TCERG1L: variants seen among roughly 807,000 people sequenced by gnomAD.
The protein encoded by TCERG1L is transcription elongation regulator 1 like.
A neutral mutation model predicts 56.3 loss-of-function variants in TCERG1L; 37 were observed. The observed-to-expected ratio is 0.66, with a 90% CI of 0.51 to 0.87. TCERG1L has a LOEUF of 0.87. Ranked by LOEUF, TCERG1L falls within the 40% of genes least tolerant of loss-of-function variation. The probability of loss-of-function intolerance (pLI) is 0.00; values close to 1 mark genes in which losing one functional copy is unlikely to be tolerated. For synonymous variants in TCERG1L, 324 were observed against 326.3 expected, an observed-to-expected ratio of 0.99 and a Z score of 0.08; for missense variants, 799 against 774.2, an observed-to-expected ratio of 1.03 and a Z score of -0.38.
At chr10:131,265,646 T>C (rs1161959444) in intron 3 of TCERG1L, among the ~76,000 whole-genome samples, 2 of 152,028 alleles carry the variant, frequency 1.3e-5, no homozygotes, top group African/African-American at 2.4e-5. Context: ...TTCCAATGCA[T>C]ACAAAAGTTA....
At position 131,098,440 on chromosome 10, in the gene TCERG1L, C is replaced by T. The variant is rs1845271774; in HGVS notation, c.1486-16G>A. 6.5e-7 allele frequency: 1 copy of T among 1,532,228 alleles called. No homozygotes were observed. Among genetic ancestry groups the T allele is most frequent in the African/African-American group, 1.4e-5 (1 of 71,942 alleles). The allele number at this position is 1,532,228 out of a possible 1,614,324, so 94.9% of individuals were successfully genotyped here. ...GTTCAAATATCTTAAAACACAGATA[C>T]AGAAGAAAAACATCATGAAATTGCA... On this transcript the variant is annotated splice_polypyrimidine_tract_variant and intron_variant, in intron 10 of 11. Coordinates refer to ENST00000368642, the MANE Select transcript of TCERG1L (RefSeq NM_174937.4).
chr10:131,122,386 C>T (rs1845522758), intron 8 of TCERG1L, among the ~76,000 whole-genome samples: 1 of 152,348 alleles, frequency 6.6e-6, no homozygotes, highest in East Asian at 1.9e-4. Context: ...CACCACCTGA[C>T]ATCCAGGATG....
intron 4 of TCERG1L, among the ~76,000 whole-genome samples, chr10:131,211,372 A>T (rs555199045): frequency 6.6e-6 from 1 of 152,330 alleles, no homozygotes; most frequent in Admixed American, 6.5e-5. Context: ...CGGGGCTCTG[A>T]CTTTCCCTGC....
At chr10:131,233,846 G>T (rs896308245) in intron 4 of TCERG1L, among the ~76,000 whole-genome samples, 8 of 152,166 alleles carry the variant, frequency 5.3e-5, no homozygotes, top group Non-Finnish European at 2.9e-5. Context: ...CAGAGGGGTG[G>T]ATCCCTCATA....
intron 4 of TCERG1L, among the ~76,000 whole-genome samples, chr10:131,246,121 C>T (rs1846034138): frequency 1.3e-5 from 2 of 152,144 alleles, no homozygotes; most frequent in African/African-American, 4.8e-5. Flanking sequence ...GGGCCCATCC[C>T]CTGGCTGGAG....
chr10:131,308,753 G>C (rs550511135), intron 2 of TCERG1L, among the ~76,000 whole-genome samples: 1 of 152,242 alleles, frequency 6.6e-6, no homozygotes, highest in East Asian at 1.9e-4. Flanking sequence ...ATTTGAACCC[G>C]AAAGCCAAAA....
chr10:131,099,445 T>C (rs1001627363), intron 10 of TCERG1L, among the ~76,000 whole-genome samples: 25 of 152,354 alleles, frequency 1.6e-4, no homozygotes, highest in African/African-American at 5.8e-4. Context: ...GATAAGTGTT[T>C]ACGCAAACAT....
chr10:131,254,667 G>A (rs539386191), intron 4 of TCERG1L, among the ~76,000 whole-genome samples: 41 of 152,312 alleles, frequency 2.7e-4, no homozygotes, highest in African/African-American at 9.4e-4. Context: ...GACTCGGTGT[G>A]GGTTGGGAGG....
In TCERG1L at chr10:131,252,624, C is replaced by A. The variant is rs527880497; in HGVS notation, c.856+7635G>T. 3.9e-5 allele frequency among the ~76,000 whole-genome samples: 6 copies of A among 152,298 alleles called. 1 individual carries two copies. The highest frequency in any genetic ancestry group is 1.4e-4 in the African/African-American group (6 of 41,556). ...TGAGCTGCAGACCAGCCGTCTCCAA[C>A]GAGCGCCCATCAGGGACCGCCTCCT... On this transcript the variant is annotated intron_variant, in intron 4 of 11. Coordinates refer to ENST00000368642, the MANE Select transcript of TCERG1L (RefSeq NM_174937.4).
At chr10:131,195,093 T>C (rs1265979815) in intron 4 of TCERG1L, among the ~76,000 whole-genome samples, 1 of 152,172 alleles carries the variant, frequency 6.6e-6, no homozygotes, top group African/African-American at 2.4e-5. Context: ...GGTCCCAGCA[T>C]GCTTGGATCT....
chr10:131,294,335 C>T (rs1335422285), intron 3 of TCERG1L, among the ~76,000 whole-genome samples: 1 of 152,140 alleles, frequency 6.6e-6, no homozygotes, highest in East Asian at 1.9e-4. Flanking sequence ...TAGCCCATCA[C>T]TAACCAATGT....
chr10:131,281,197 C>T (rs1455340125), intron 3 of TCERG1L, among the ~76,000 whole-genome samples: 1 of 152,170 alleles, frequency 6.6e-6, no homozygotes, highest in Non-Finnish European at 1.5e-5. Flanking sequence ...CTCTGCATTC[C>T]AAATCACATT....
chr10:131,165,451 G>T (rs902748959), intron 5 of TCERG1L, among the ~76,000 whole-genome samples: 13 of 152,220 alleles, frequency 8.5e-5, no homozygotes, highest in Admixed American at 7.8e-4. Flanking sequence ...GTAAGTTTAC[G>T]AATAAAATTT....
intron 3 of TCERG1L, among the ~76,000 whole-genome samples, chr10:131,262,898 G>A (rs1846248282): frequency 6.6e-6 from 1 of 152,006 alleles, no homozygotes; most frequent in African/African-American, 2.4e-5. Flanking sequence ...TTTTCCAGAA[G>A]GCCATTCAGT....
chr10:131,117,572 G>A (rs1845472101), intron 8 of TCERG1L, among the ~76,000 whole-genome samples: 1 of 152,200 alleles, frequency 6.6e-6, no homozygotes. Context: ...GGCGGCCCCT[G>A]CCAAGGCCCC....
intron 4 of TCERG1L, among the ~76,000 whole-genome samples, chr10:131,194,891 A>C (rs74160865): frequency 0.016 from 2,381 of 152,294 alleles, 50 homozygotes; most frequent in South Asian, 0.1. Flanking sequence ...TTTTGCCTGT[A>C]TATACACACA....
chr10:131,202,323 T>C (rs1385521655), intron 4 of TCERG1L, among the ~76,000 whole-genome samples: 1 of 152,208 alleles, frequency 6.6e-6, no homozygotes, highest in East Asian at 1.9e-4. Flanking sequence ...GGTTCATGCC[T>C]GTAATCCCAA....
chr10:131,306,996 T>C (rs771482503), intron 3 of TCERG1L, among the ~76,000 whole-genome samples: 2 of 152,206 alleles, frequency 1.3e-5, no homozygotes, highest in Non-Finnish European at 2.9e-5. Context: ...CTACATTTGC[T>C]GGTTATTTTC....
At chr10:131,095,539 A>G (rs1483563607) in intron 11 of TCERG1L, 1 of 152,354 alleles carries the variant, frequency 6.6e-6, no homozygotes, top group South Asian at 2.1e-4. Context: ...TGAATTGTAC[A>G]TGTTTCACTA....
Sources: gnomAD v4.1 joint callset for allele counts (sites outside exome capture counted in the v4.1 genomes callset) on GRCh38, gnomAD v4.1.1 for gene constraint, MANE v1.5 for transcripts, NCBI Gene and HGNC (gene_info 2026-07-23, HGNC 2026-07-21) for gene names.